Variants in USH2A observed in about 807,000 individuals in gnomAD.
USH2A encodes Usher syndrome 2A (autosomal recessive, mild).
In USH2A, 443 loss-of-function variants were observed where a neutral mutation model predicts 538.9. That is an observed-to-expected ratio of 0.82 (90% confidence interval 0.76 to 0.89). USH2A has a LOEUF of 0.89. USH2A is among the 40% of genes least tolerant of loss of function. USH2A has a pLI of 0.00. For missense variants in USH2A, 6,633 were observed against 6,324.8 expected (o/e 1.05, Z -1.65); for synonymous variants, 2,413 against 2,273.5 (o/e 1.06, Z -1.75).
At chr1:216,307,454 G>T (rs1004645647) in intron 9 of USH2A, among the ~76,000 whole-genome samples, 1 of 152,234 alleles carries the variant, frequency 6.6e-6, no homozygotes, top group Non-Finnish European at 1.5e-5. Context: ...CCAGGCAATG[G>T]GTGAACAGGG....
intron 64 of USH2A, among the ~76,000 whole-genome samples, chr1:215,666,418 T>A (rs1427448503): frequency 1.3e-5 from 2 of 152,154 alleles, no homozygotes; most frequent in Non-Finnish European, 2.9e-5. Flanking sequence ...CCAACGTCAA[T>A]AGGCTATTAT....
In USH2A at chr1:215,796,703, T is replaced by C. The variant is rs187083435; in HGVS notation, c.9958+2204A>G. Among the ~76,000 whole-genome samples the C allele has an allele frequency of 1.5e-3, 233 of 152,286 alleles. 1 individual carries two copies. Among genetic ancestry groups the C allele is most frequent in the Admixed American group, 4.6e-3 (70 of 15,294 alleles). ...TGTTCAAGTGAAAGGAAGAGTCTCA[T>C]GTCTCTCACTTTAAATCAAAAGCTA... On this transcript the variant is annotated intron_variant, in intron 50 of 71. Coordinates refer to ENST00000307340, the MANE Select transcript of USH2A (RefSeq NM_206933.4).
At chr1:215,644,289 G>A (rs1469673930) in intron 67 of USH2A, among the ~76,000 whole-genome samples, 2 of 152,178 alleles carry the variant, frequency 1.3e-5, no homozygotes, top group African/African-American at 4.8e-5. Context: ...CCTGTCCAAT[G>A]TAAGCTGGTT....
chr1:215,846,927 A>G (rs1393090542), intron 44 of USH2A, among the ~76,000 whole-genome samples: 1 of 152,190 alleles, frequency 6.6e-6, no homozygotes, highest in African/African-American at 2.4e-5. Flanking sequence ...GCTCCCCTTA[A>G]GGACTGGCTC....
intron 21 of USH2A, among the ~76,000 whole-genome samples, chr1:216,157,453 A>G (rs985511925): frequency 2.0e-5 from 3 of 152,338 alleles, no homozygotes; most frequent in South Asian, 4.1e-4. Context: ...CTACCATTTG[A>G]CACAGCAATC....
At chr1:215,668,778 C>A (rs1657711627) in intron 64 of USH2A, among the ~76,000 whole-genome samples, 1 of 152,202 alleles carries the variant, frequency 6.6e-6, no homozygotes. Context: ...TGCCTGTAAT[C>A]CCAGCATTTT....
chr1:216,019,776 T>C (rs1668804046), intron 32 of USH2A, among the ~76,000 whole-genome samples: 1 of 152,314 alleles, frequency 6.6e-6, no homozygotes, highest in South Asian at 2.1e-4. Context: ...AAGTACTCCT[T>C]AATAGCTTTG....
rs1261098965 is a variant in USH2A, at chr1:215,829,297, T to C, written c.9371+8694A>G. On this transcript the variant is annotated intron_variant, in intron 47 of 71. Transcript: ENST00000307340. ...AAGAGGAAAAACATGCATAAGGGCTTGTACTGCTGAAGATGTAGTCAAAAA... is the reference window on the plus strand; with the variant it reads ...AAGAGGAAAAACATGCATAAGGGCTCGTACTGCTGAAGATGTAGTCAAAAA... 2.0e-5 allele frequency among the ~76,000 whole-genome samples: 3 copies of C among 152,150 alleles called. No homozygotes were observed. In the South Asian group the frequency reaches 6.2e-4, roughly 32 times the overall value.
intron 22 of USH2A, among the ~76,000 whole-genome samples, chr1:216,091,870 T>C (rs1263741814): frequency 6.6e-6 from 1 of 152,084 alleles, no homozygotes; most frequent in Non-Finnish European, 1.5e-5. Context: ...TTTTTCCTGA[T>C]AAAAATCAAA....
rs182074931 is a variant in USH2A at position 215,625,047 on chromosome 1, C to T, written c.*734G>A. The T allele has an allele frequency of 4.6e-5, 7 of 152,228 alleles. No homozygotes were observed. Among genetic ancestry groups the T allele is most frequent in the Admixed American group, 3.9e-4 (6 of 15,290 alleles). The allele number at this position is 152,228 out of a possible 1,614,324, so 9.4% of individuals were successfully genotyped here. A position where few individuals can be genotyped will look rare whatever the true frequency, so the allele number is the denominator to read the frequency against. ...AAGTAGAGGTGTTCCTAGTGAAACA[C>T]TTTGTTTTCTCCTCAAAATGTATAA... On this transcript the variant is annotated 3_prime_UTR_variant, in exon 72 of 72. Transcript: ENST00000307340.
At chr1:215,937,102 A>C (rs920486050) in intron 37 of USH2A, among the ~76,000 whole-genome samples, 5 of 152,096 alleles carry the variant, frequency 3.3e-5, no homozygotes, top group Admixed American at 6.6e-5. Flanking sequence ...CTGGACCCAA[A>C]ATTGGCACAT....
At chr1:215,923,709 T>A (rs1415695966) in intron 38 of USH2A, among the ~76,000 whole-genome samples, 1 of 151,912 alleles carries the variant, frequency 6.6e-6, no homozygotes, top group Non-Finnish European at 1.5e-5. Context: ...GTATGCTGGG[T>A]GCAAAAATAG....
At chr1:215,900,693 C>A (rs1472800624) in intron 39 of USH2A, 62 bp downstream of exon 39, 1 of 1,610,404 alleles carries the variant, frequency 6.2e-7, no homozygotes, top group East Asian at 2.2e-5. Flanking sequence ...ACCTACTCTT[C>A]AAAAATGTTA....
intron 37 of USH2A, among the ~76,000 whole-genome samples, chr1:215,950,583 T>C (rs1284995509): frequency 1.3e-5 from 2 of 149,830 alleles, no homozygotes; most frequent in Non-Finnish European, 3.0e-5. Context: ...CTTGGCTCAC[T>C]ACAATCTCCA....
rs549950835 is a variant in USH2A, at chr1:215,655,799, G to A, written c.14134-4998C>T. On this transcript the variant is annotated intron_variant, in intron 64 of 71. Coordinates refer to ENST00000307340, the MANE Select transcript of USH2A (RefSeq NM_206933.4). ...CACCAACGCTGGAATGGAGTGGCGC[G>A]ATCTCGACTCACTGCGATCTCCACC... Among the ~76,000 whole-genome samples the A allele has an allele frequency of 4.2e-5, 6 of 141,810 alleles. No individual in the cohort carries two copies. In the East Asian group the frequency reaches 1.1e-3, roughly 27 times the overall value. 93.0% of individuals were successfully genotyped at this position (141,810 alleles called of 152,430 possible).
intron 12 of USH2A, 121 bp from the exon 13 acceptor site, chr1:216,247,347 G>C: frequency 1.6e-6 from 2 of 1,254,650 alleles, no homozygotes; most frequent in Non-Finnish European, 2.3e-6. Context: ...TTTCTCACAA[G>C]CAATGCCATA....
At chr1:216,262,381 T>G (rs2036391111) in intron 11 of USH2A, among the ~76,000 whole-genome samples, 1 of 151,926 alleles carries the variant, frequency 6.6e-6, no homozygotes, top group Non-Finnish European at 1.5e-5. Flanking sequence ...ATCATAAAAA[T>G]GAACCAAACA....
At chr1:216,023,557 C>T (rs191968977) in intron 32 of USH2A, among the ~76,000 whole-genome samples, 2 of 144,830 alleles carry the variant, frequency 1.4e-5, no homozygotes, top group East Asian at 4.1e-4. Context: ...AACAAAACCT[C>T]ATTTGAGTAA....
chr1:216,088,349 T>A, intron 23 of USH2A, among the ~76,000 whole-genome samples: 1 of 152,290 alleles, frequency 6.6e-6, no homozygotes, highest in Non-Finnish European at 1.5e-5. Context: ...TTCTGTATTT[T>A]GCTGCCCCAT....
Sources: allele counts gnomAD v4.1 joint callset (sites outside exome capture counted in the v4.1 genomes callset), GRCh38; gene constraint gnomAD v4.1.1; transcripts MANE v1.5; gene names NCBI Gene and HGNC (gene_info 2026-07-23, HGNC 2026-07-21).